Variants in SNRNP70 observed in about 807,000 individuals in gnomAD.
The protein encoded by SNRNP70 is small nuclear ribonucleoprotein U1 subunit 70, also known as U1 small nuclear ribonucleoprotein 70 kDa.
Under a neutral mutation model 50.5 loss-of-function variants are expected in SNRNP70, and 8 were observed. That is an observed-to-expected ratio of 0.16 (90% CI 0.09 to 0.29). SNRNP70 has a LOEUF of 0.29. Ranked by LOEUF, SNRNP70 falls within the 10% of genes least tolerant of loss-of-function variation. The pLI is 1.00. For synonymous variants in SNRNP70, 320 were observed against 252.9 expected (o/e 1.27, Z -2.52); for missense variants, 529 against 663.5 (o/e 0.80, Z 2.23).
At position 49,104,611 on chromosome 19, in the gene SNRNP70, C is replaced by T; in HGVS notation, c.476-23C>T. The stretch of plus-strand genomic sequence containing the variant: ...GACCCTCTGGGGACTCCTCTCCCCT[C>T]CCCCTCCCCACATCTGTTACAGCCG... On this transcript the variant is annotated intron_variant, in intron 7 of 9. Coordinates refer to ENST00000598441, the MANE Select transcript of SNRNP70 (RefSeq NM_003089.6). The surrounding 1 kb of genome is among the most constrained non-coding windows in gnomAD (Gnocchi z 5.4). The T allele has an allele frequency of 6.5e-7, 1 of 1,533,574 alleles. No homozygotes were observed. The allele number at this position is 1,533,574 out of a possible 1,614,324, so 95.0% of individuals were successfully genotyped here. A position where few individuals can be genotyped will look rare whatever the true frequency, so the allele number is the denominator to read the frequency against.
chr19:49,093,068 C>T (rs1297451623), intron 4 of SNRNP70, among the ~76,000 whole-genome samples: 7 of 150,946 alleles, frequency 4.6e-5, no homozygotes, highest in African/African-American at 1.7e-4. Context: ...GTGTGAGCCA[C>T]CATGCCCAGC....
At chr19:49,099,337 G>A (rs1050640691) in intron 6 of SNRNP70, among the ~76,000 whole-genome samples, 3 of 152,144 alleles carry the variant, frequency 2.0e-5, no homozygotes, top group African/African-American at 7.2e-5. Flanking sequence ...TGTAATCTCA[G>A]CTCTTAAGGA....
At chr19:49,100,411 C>A (rs889003506) in intron 6 of SNRNP70, among the ~76,000 whole-genome samples, 2 of 152,188 alleles carry the variant, frequency 1.3e-5, no homozygotes, top group African/African-American at 4.8e-5. Context: ...CATCTCCTCC[C>A]TTCTCTTGCT....
chr19:49,108,367 T>G lies in SNRNP70; in HGVS notation c.1238T>G (p.Met413Arg). 1.9e-6 allele frequency: 3 copies of G among 1,610,946 alleles called. No individual in the cohort carries two copies. The highest frequency in any genetic ancestry group is 1.3e-5 in the African/African-American group (1 of 74,906). ...GGTCTGGGCAACGACAGCCGAGACA[T>G]GTACATGGAGTCTGAGGGCGGCGAC... ...LEGLGNDSRD[M>R]YMESEGGDGY... is the part of the protein sequence containing the mutation. The change falls in exon 10 of 10, where the codon ATG becomes AGG. Residue 413 changes from methionine to arginine, a missense_variant. By Grantham distance (91) the Met-to-Arg change is moderately conservative. Transcript: ENST00000598441.
At chr19:49,086,370 G>T in intron 1 of SNRNP70, 35 bp from the exon 2 acceptor site, 4 of 1,593,532 alleles carry the variant, frequency 2.5e-6, no homozygotes, top group South Asian at 1.1e-5. Context: ...GTGCAGACCC[G>T]ATCTAACCTA....
chr19:49,102,341 C>T lies in SNRNP70; in HGVS notation c.475+870C>T. The T allele has an allele frequency of 5.4e-6, 2 of 371,386 alleles. 1 individual carries two copies. The highest frequency in any genetic ancestry group is 1.5e-4 in the East Asian group (2 of 13,332). 23.0% of individuals were successfully genotyped at this position (371,386 alleles called of 1,614,324 possible). On this transcript the variant is annotated intron_variant, in intron 7 of 9. Coordinates refer to ENST00000598441, the MANE Select transcript of SNRNP70 (RefSeq NM_003089.6). ...CTTGTTTGGGTGCCCTTTGTCCCTC[C>T]TGCCCCGATCCGTATGCTCTCTGAG...
In SNRNP70 at chr19:49,107,131, C is replaced by T. The variant is rs1167822845; in HGVS notation, c.578-494C>T. Among the ~76,000 whole-genome samples the T allele has an allele frequency of 6.6e-6, 1 of 152,126 alleles. No homozygotes were observed. Among genetic ancestry groups the T allele is most frequent in the Non-Finnish European group, 1.5e-5 (1 of 68,002 alleles). ...TGGCAGGAAGGTGAGCGTGGGGACA[C>T]TGGGAAAGGCCTGGGACACGCAGCC... On this transcript the variant is annotated intron_variant, in intron 8 of 9. Coordinates refer to ENST00000598441, the MANE Select transcript of SNRNP70 (RefSeq NM_003089.6). The surrounding 1 kb of genome is among the most constrained non-coding windows in gnomAD (Gnocchi z 6.0).
intron 4 of SNRNP70, among the ~76,000 whole-genome samples, chr19:49,097,780 A>G (rs879435258): frequency 1.9e-4 from 29 of 152,210 alleles, no homozygotes; most frequent in Non-Finnish European, 2.2e-4. Flanking sequence ...GTTATTCCTT[A>G]GTAGCCAGGT....
chr19:49,085,700 G>T, intron 1 of SNRNP70, 64 bp downstream of exon 1: 1 of 453,856 alleles, frequency 2.2e-6, no homozygotes, highest in Non-Finnish European at 4.4e-6. Flanking sequence ...CCCCAGCGGT[G>T]GGCCCGGTCC....
chr19:49,097,790 T>A (rs988068929), intron 4 of SNRNP70, among the ~76,000 whole-genome samples: 6 of 152,218 alleles, frequency 3.9e-5, no homozygotes, highest in Non-Finnish European at 7.3e-5. Flanking sequence ...AGTAGCCAGG[T>A]AGAACAGTTT....
Position 49,108,119 on chromosome 19 carries a change from G to C in SNRNP70, c.990G>C (p.Gly330=). The C allele has an allele frequency of 6.5e-7, 1 of 1,546,850 alleles. No individual in the cohort carries two copies. Among genetic ancestry groups the C allele is most frequent in the Admixed American group, 2.1e-5 (1 of 48,232 alleles). The change falls in exon 10 of 10, where the codon GGG becomes GGC. Residue 330 remains glycine, a synonymous_variant. Coordinates refer to ENST00000598441, the MANE Select transcript of SNRNP70 (RefSeq NM_003089.6). ...CGGGTGACGCGCCCCCTGATGATGG[G>C]CCTCCAGGGGAGCTCGGGCCTGACG... ...SEAGDAPPDD[G]PPGELGPDGP...
In SNRNP70 at chr19:49,107,956, G is replaced by A; in HGVS notation, c.827G>A (p.Arg276His). ...SRSRDKEERR[R>H]SRERSKDKDR... Reference sequence around the variant, plus strand: ...AGTCGCGACAAGGAGGAGCGGAGGCGCTCCAGGGAGCGGAGCAAGGACAAG... The same window carrying A: ...AGTCGCGACAAGGAGGAGCGGAGGCACTCCAGGGAGCGGAGCAAGGACAAG... Residue 276 changes from arginine (R) to histidine (H), a missense_variant, in exon 10 of 10, where the codon CGC (arginine) becomes CAC (histidine). By Grantham distance (29) the Arg-to-His change is conservative. Transcript: ENST00000598441. The surrounding 1 kb of genome is among the most constrained non-coding windows in gnomAD (Gnocchi z 6.0). 1 of 1,547,472 alleles carries A rather than the reference G, an allele frequency of 6.5e-7. No individual in the cohort carries two copies. Among genetic ancestry groups the A allele is most frequent in the Non-Finnish European group, 8.7e-7 (1 of 1,146,056 alleles).
chr19:49,095,861 C>A (rs2122341746), intron 4 of SNRNP70, among the ~76,000 whole-genome samples: 1 of 151,016 alleles, frequency 6.6e-6, no homozygotes, highest in South Asian at 2.1e-4. Flanking sequence ...AAATCCCCAA[C>A]AACTATAGCA....
intron 4 of SNRNP70, among the ~76,000 whole-genome samples, chr19:49,096,325 G>A (rs1447389218): frequency 6.6e-6 from 1 of 152,024 alleles, no homozygotes; most frequent in East Asian, 1.9e-4. Flanking sequence ...CCAAATTGCT[G>A]GGATTACAGG....
At chr19:49,086,691 G>C (rs2040384606) in intron 2 of SNRNP70, 130 bp downstream of exon 2, 10 of 850,210 alleles carry the variant, frequency 1.2e-5, no homozygotes, top group Non-Finnish European at 1.9e-5. Flanking sequence ...GTGATCCTCA[G>C]TTTCTCTGTT....
chr19:49,089,822 C>T (rs2040426577), intron 2 of SNRNP70, among the ~76,000 whole-genome samples: 1 of 151,546 alleles, frequency 6.6e-6, no homozygotes, highest in African/African-American at 2.4e-5. Flanking sequence ...ACCACCACGC[C>T]CGGCTAATTT....
intron 2 of SNRNP70, among the ~76,000 whole-genome samples, chr19:49,087,273 C>T (rs2040394164): frequency 6.6e-6 from 1 of 151,212 alleles, no homozygotes; most frequent in South Asian, 2.1e-4. Context: ...TCATGCCTAA[C>T]CCACACCATT....
chr19:49,089,907 C>G (rs1305025068), intron 2 of SNRNP70, among the ~76,000 whole-genome samples: 2 of 151,948 alleles, frequency 1.3e-5, no homozygotes, highest in African/African-American at 2.4e-5. Context: ...TCATGATCCG[C>G]CTGCCTCGGC....
rs969071342 is a variant in SNRNP70 at position 49,101,869 on chromosome 19, T to TC, written c.475+406dup. ...ACTGGCCTTTGAACCTGCCCTCTCTTCCCCCCCCAGTAGAACTGGGGCTGG... is the reference window on the plus strand; with the variant it reads ...ACTGGCCTTTGAACCTGCCCTCTCTTCCCCCCCCCAGTAGAACTGGGGCTGG... On this transcript the variant is annotated intron_variant, in intron 7 of 9. Transcript: ENST00000598441. Among the ~76,000 whole-genome samples, 89 of 149,202 alleles carry TC rather than the reference T, an allele frequency of 6.0e-4. 1 individual carries two copies. The highest frequency in any genetic ancestry group is 2.6e-3 in the South Asian group (12 of 4,678).
Sources: gnomAD v4.1 joint callset for allele counts (sites outside exome capture counted in the v4.1 genomes callset) on GRCh38, gnomAD v4.1.1 for gene constraint, Gnocchi (gnomAD v3.1) non-coding constraint, MANE v1.5 for transcripts, NCBI Gene and HGNC (gene_info 2026-07-23, HGNC 2026-07-21) for gene names.